Variants in PCDHGB4 observed in about 807,000 individuals in gnomAD.
The protein encoded by PCDHGB4 is protocadherin gamma-B4.
In PCDHGB4, 38 loss-of-function variants were observed where a neutral mutation model predicts 60.5. The ratio of observed to expected loss-of-function variants is 0.63; its 90% CI spans 0.48 to 0.82. PCDHGB4 has a LOEUF of 0.82. Among genes scored for constraint, PCDHGB4 ranks in the 40% least tolerant of loss-of-function variants. The probability of loss-of-function intolerance (pLI) is 0.00; values close to 1 mark genes in which losing one functional copy is unlikely to be tolerated. For missense variants in PCDHGB4, 1,109 were observed against 1,209.6 expected, an observed-to-expected ratio of 0.92 and a Z score of 1.23; for synonymous variants, 456 against 509.7, an observed-to-expected ratio of 0.89 and a Z score of 1.42.
chr5:141,446,279 G>A (rs1326701686), intron 1 of PCDHGB4, among the ~76,000 whole-genome samples: 1 of 152,096 alleles, frequency 6.6e-6, no homozygotes, highest in African/African-American at 2.4e-5. Context: ...AAATACAATG[G>A]ATAAATGGGG....
At chr5:141,450,551 G>T (rs2098684306) in intron 1 of PCDHGB4, among the ~76,000 whole-genome samples, 1 of 150,822 alleles carries the variant, frequency 6.6e-6, no homozygotes, top group Admixed American at 6.6e-5. Flanking sequence ...CAGTGGCGCA[G>T]TCTCGGCTCA....
At chr5:141,416,913 G>C (rs2096067624) in intron 1 of PCDHGB4, 1 of 151,920 alleles carries the variant, frequency 6.6e-6, no homozygotes, top group South Asian at 2.1e-4. Context: ...ACACTCTTTA[G>C]GGTCATAGTT....
intron 2 of PCDHGB4, among the ~76,000 whole-genome samples, chr5:141,496,903 A>G (rs990378360): frequency 1.1e-4 from 16 of 150,744 alleles, no homozygotes; most frequent in Non-Finnish European, 2.4e-4. Flanking sequence ...AAAAAAAAAA[A>G]GGCTGGGCAC....
rs1562052190 is a variant in PCDHGB4, at chr5:141,476,218, CTA to C, written c.2398-18587_2398-18586del. The C allele has an allele frequency of 6.2e-7, 1 of 1,613,984 alleles. No individual in the cohort carries two copies. The highest frequency in any genetic ancestry group is 8.5e-7 in the Non-Finnish European group (1 of 1,180,024). ...TGAACAAGGCTTCCACGGTCATTCA[CTA>C]TGAGATCCCGGAGGAAAGAGAGAAG... On this transcript the variant is annotated intron_variant, in intron 1 of 3. Coordinates refer to ENST00000519479, the MANE Select transcript of PCDHGB4 (RefSeq NM_003736.4). This position sits in a 1 kb window ranked among gnomAD's most constrained non-coding sequence, Gnocchi z 7.6.
intron 1 of PCDHGB4, chr5:141,404,621 G>T: frequency 6.2e-7 from 1 of 1,614,174 alleles, no homozygotes; most frequent in South Asian, 1.1e-5. Context: ...GGACCAGAAT[G>T]ACAATGCCCC....
In PCDHGB4 at chr5:141,491,925, G is replaced by A. The variant is rs1019181943; in HGVS notation, c.2398-2882G>A. 5 of 1,325,176 alleles carry A rather than the reference G, an allele frequency of 3.8e-6. No homozygotes were observed. In the Admixed American group the frequency reaches 1.5e-4, roughly 39 times the overall value. 82.1% of individuals were successfully genotyped at this position (1,325,176 alleles called of 1,614,324 possible). A position where few individuals can be genotyped will look rare whatever the true frequency, so the allele number is the denominator to read the frequency against. On this transcript the variant is annotated intron_variant, in intron 1 of 3. Coordinates refer to ENST00000519479, the MANE Select transcript of PCDHGB4 (RefSeq NM_003736.4). The surrounding 1 kb of genome is among the most constrained non-coding windows in gnomAD (Gnocchi z 6.9). ...GGGTGGTGGCGACTGTGGGCGAGGG[G>A]AGGTGGGACCGACCCCCACCCCTAC...
In PCDHGB4 at chr5:141,441,877, C is replaced by T. The variant is rs945298341; in HGVS notation, c.2397+51596C>T. ...GCTGCACGCCGCGGAGCCTGGCTACCTGGTCACCAAGGTGGTGGCTGTAGA... is the reference window on the plus strand; with the variant it reads ...GCTGCACGCCGCGGAGCCTGGCTACTTGGTCACCAAGGTGGTGGCTGTAGA... On this transcript the variant is annotated intron_variant, in intron 1 of 3. Transcript: ENST00000519479. 4 of 343,582 alleles carry T rather than the reference C, an allele frequency of 1.2e-5. No homozygotes were observed. In the Admixed American group the frequency reaches 1.6e-4, roughly 13 times the overall value. 21.3% of individuals were successfully genotyped at this position (343,582 alleles called of 1,614,324 possible).
At chr5:141,475,684 T>C (rs2099367059) in intron 1 of PCDHGB4, among the ~76,000 whole-genome samples, 1 of 152,228 alleles carries the variant, frequency 6.6e-6, no homozygotes, top group African/African-American at 2.4e-5. Context: ...TTGATTTGGA[T>C]TGGAGACTTG....
chr5:141,393,724 C>T (rs959974182), intron 1 of PCDHGB4: 1 of 1,613,570 alleles, frequency 6.2e-7, no homozygotes, highest in Non-Finnish European at 8.5e-7. Context: ...ATATCAATAG[C>T]AAAAAGTCTA....
intron 1 of PCDHGB4, chr5:141,428,329 A>G (rs928788851): frequency 4.8e-6 from 3 of 627,180 alleles, no homozygotes; most frequent in South Asian, 3.5e-5. Context: ...CTTGATTTCT[A>G]TGCTCTTCTT....
At chr5:141,411,423 CA>C (rs200531177) in intron 1 of PCDHGB4, 3 of 147,666 alleles carry the variant, frequency 2.0e-5, no homozygotes, top group Admixed American at 6.8e-5. Context: ...ACAACAACAA[CA>C]AAAAAAAACA....
chr5:141,396,654 T>G (rs1489747712), intron 1 of PCDHGB4: 1 of 151,996 alleles, frequency 6.6e-6, no homozygotes, highest in Non-Finnish European at 1.5e-5. Context: ...TAGTAAAAAC[T>G]CGGTATAGGC....
chr5:141,395,102 G>T (rs766050798), intron 1 of PCDHGB4: 3 of 1,614,172 alleles, frequency 1.9e-6, no homozygotes, highest in South Asian at 1.1e-5. Flanking sequence ...CCGCCGACTC[G>T]CGGAAGAGTC....
chr5:141,456,748 A>C (rs1448893002), intron 1 of PCDHGB4, among the ~76,000 whole-genome samples: 1 of 151,852 alleles, frequency 6.6e-6, no homozygotes, highest in Non-Finnish European at 1.5e-5. Context: ...GAGCATCATG[A>C]GGTCAGGAGT....
At position 141,431,850 on chromosome 5, in the gene PCDHGB4, C is replaced by T; in HGVS notation, c.2397+41569C>T. On this transcript the variant is annotated intron_variant, in intron 1 of 3. Transcript: ENST00000519479. The surrounding 1 kb of genome is among the most constrained non-coding windows in gnomAD (Gnocchi z 4.8). ...GTTCCCGAAAACTCTCCCAGAGGGA[C>T]ATTAATTGCCCTTTTAAATGTAAAT... The T allele has an allele frequency of 1.9e-6, 3 of 1,614,234 alleles. No homozygotes were observed. The highest frequency in any genetic ancestry group is 2.2e-5 in the South Asian group (2 of 91,090).
At chr5:141,404,410 A>G (rs1343740045) in intron 1 of PCDHGB4, 2 of 1,613,728 alleles carry the variant, frequency 1.2e-6, no homozygotes, top group Non-Finnish European at 1.7e-6. Context: ...AGAATTCTAG[A>G]GTTATTTACT....
At chr5:141,453,871 A>T (rs561367146) in intron 1 of PCDHGB4, among the ~76,000 whole-genome samples, 8 of 152,364 alleles carry the variant, frequency 5.3e-5, no homozygotes, top group African/African-American at 1.9e-4. Flanking sequence ...ACAGATGAGC[A>T]AAATAATGTG....
At chr5:141,415,641 T>TA (rs113784532) in intron 1 of PCDHGB4, 91,654 of 1,192,004 alleles carry the variant, frequency 0.077, 689 homozygotes, top group South Asian at 0.099. Context: ...TTACTTTTGT[T>TA]AAAAAAAAAA....
chr5:141,417,701 C>T (rs1382264857), intron 1 of PCDHGB4: 1 of 1,192,516 alleles, frequency 8.4e-7, no homozygotes, highest in Admixed American at 3.0e-5. Flanking sequence ...CCAGCTCCCA[C>T]ACAGAGGCTC....
Sources: allele counts gnomAD v4.1 joint callset (sites outside exome capture counted in the v4.1 genomes callset), GRCh38; gene constraint gnomAD v4.1.1; non-coding constraint Gnocchi (gnomAD v3.1); transcripts MANE v1.5; gene names NCBI Gene and HGNC (gene_info 2026-07-23, HGNC 2026-07-21).